Variants in CSNK1G3 observed in about 807,000 individuals in gnomAD.
CSNK1G3 encodes the protein casein kinase I isoform gamma-3.
In CSNK1G3, 23 loss-of-function variants were observed where a neutral mutation model predicts 64.3. The ratio of observed to expected loss-of-function variants is 0.36; its 90% confidence interval spans 0.26 to 0.51. CSNK1G3 has a LOEUF of 0.51. Ranked by LOEUF, CSNK1G3 falls within the 20% of genes least tolerant of loss-of-function variation. The probability of loss-of-function intolerance (pLI) is 0.96; values close to 1 mark genes in which losing one functional copy is unlikely to be tolerated. For missense variants in CSNK1G3, 357 were observed against 510.5 expected, an observed-to-expected ratio of 0.70 and a Z score of 2.90; for synonymous variants, 158 against 162.2, an observed-to-expected ratio of 0.97 and a Z score of 0.20.
At chr5:123,570,069 G>T (rs756451419) in intron 4 of CSNK1G3, among the ~76,000 whole-genome samples, 1 of 152,040 alleles carries the variant, frequency 6.6e-6, no homozygotes, top group African/African-American at 2.4e-5. Context: ...TCTTAGCATG[G>T]TTTCTCATTC....
At chr5:123,573,637 A>G (rs1788545222) in intron 5 of CSNK1G3, 96 bp downstream of exon 5, 2 of 1,149,000 alleles carry the variant, frequency 1.7e-6, no homozygotes, top group South Asian at 1.6e-5. Flanking sequence ...ATATTGTCTT[A>G]CAGAGCGTTT....
intron 1 of CSNK1G3, among the ~76,000 whole-genome samples, chr5:123,526,213 A>C (rs1385683751): frequency 6.6e-6 from 1 of 151,234 alleles, no homozygotes; most frequent in Admixed American, 6.6e-5. Context: ...AATTTAATTT[A>C]ATTTATTTAT....
chr5:123,578,559 C>G (rs1789616350), intron 6 of CSNK1G3, among the ~76,000 whole-genome samples: 1 of 151,618 alleles, frequency 6.6e-6, no homozygotes, highest in African/African-American at 2.4e-5. Flanking sequence ...CTTTGCTTGC[C>G]TATTCATTTT....
chr5:123,612,240 A>G (rs560605865), intron 12 of CSNK1G3, among the ~76,000 whole-genome samples: 2 of 152,350 alleles, frequency 1.3e-5, no homozygotes, highest in Admixed American at 1.3e-4. Context: ...GTTTACTTAA[A>G]AAAATGCAGT....
chr5:123,576,384 T>C (rs1170556680), intron 6 of CSNK1G3, among the ~76,000 whole-genome samples: 1 of 152,168 alleles, frequency 6.6e-6, no homozygotes, highest in African/African-American at 2.4e-5. Flanking sequence ...AGTATAATGC[T>C]AACAGCATAT....
intron 6 of CSNK1G3, among the ~76,000 whole-genome samples, chr5:123,581,213 G>T (rs1040874566): frequency 6.6e-6 from 1 of 151,268 alleles, no homozygotes; most frequent in Non-Finnish European, 1.5e-5. Flanking sequence ...ATGTTTCAGG[G>T]TATAGTTTTT....
intron 8 of CSNK1G3, among the ~76,000 whole-genome samples, chr5:123,589,091 A>G (rs984722900): frequency 6.6e-6 from 1 of 152,198 alleles, no homozygotes; most frequent in Non-Finnish European, 1.5e-5. Context: ...ATAACTTGTT[A>G]GTATATTAAG....
At chr5:123,535,744 T>A (rs1037054492) in intron 1 of CSNK1G3, among the ~76,000 whole-genome samples, 45 of 152,156 alleles carry the variant, frequency 3.0e-4, no homozygotes, top group Non-Finnish European at 1.2e-4. Flanking sequence ...TTTCTTGTCA[T>A]GTATCTTTAT....
intron 8 of CSNK1G3, among the ~76,000 whole-genome samples, chr5:123,589,746 C>G (rs768074671): frequency 3.9e-5 from 6 of 151,992 alleles, no homozygotes; most frequent in Non-Finnish European, 8.8e-5. Flanking sequence ...ATACATGTAT[C>G]TAATACATTT....
At chr5:123,523,485 C>G (rs1460537723) in intron 1 of CSNK1G3, among the ~76,000 whole-genome samples, 1 of 152,032 alleles carries the variant, frequency 6.6e-6, no homozygotes, top group African/African-American at 2.4e-5. Flanking sequence ...ATATTCAATT[C>G]AATGAACATT....
At chr5:123,588,394 C>T (rs376627411) in intron 7 of CSNK1G3, 33 bp from the exon 8 acceptor site, 1 of 1,518,054 alleles carries the variant, frequency 6.6e-7, no homozygotes. Flanking sequence ...TTTTAAATTA[C>T]CACATTCTCA....
At position 123,605,489 on chromosome 5, in the gene CSNK1G3, A is replaced by G. The variant is rs539964944; in HGVS notation, c.1217+127A>G. ...GATTATAATTGGTAAAAGTTATTCAAAAGTATTTGATATCATTAAGATAGC... is the reference window on the plus strand; with the variant it reads ...GATTATAATTGGTAAAAGTTATTCAGAAGTATTTGATATCATTAAGATAGC... On this transcript the variant is annotated intron_variant, in intron 12 of 12. Coordinates refer to ENST00000345990, the Ensembl canonical transcript of CSNK1G3. 6 of 1,029,766 alleles carry G rather than the reference A, an allele frequency of 5.8e-6. No homozygotes were observed. In the African/African-American group the frequency reaches 9.6e-5, roughly 17 times the overall value. The allele number at this position is 1,029,766 out of a possible 1,614,324, so 63.8% of individuals were successfully genotyped here.
rs560749249 is a variant in CSNK1G3, at chr5:123,514,599, G to A, written c.-248+2029G>A. 1.2e-4 allele frequency among the ~76,000 whole-genome samples: 19 copies of A among 152,010 alleles called. No homozygotes were observed. The East Asian group carries it at 1.5e-3, about 12-fold the overall frequency. The stretch of plus-strand genomic sequence containing the variant: ...TGTTGGAGGTGTATTGGAAGCATGG[G>A]GTGTGTGTGTGTGAGATACTAATTT... On this transcript the variant is annotated intron_variant, in intron 1 of 12. Transcript: ENST00000345990.
chr5:123,573,857 T>TA (rs1788597795), intron 5 of CSNK1G3, among the ~76,000 whole-genome samples: 1 of 151,626 alleles, frequency 6.6e-6, no homozygotes. Flanking sequence ...TAGATTTTTT[T>TA]TTTTTTTTTT....
At chr5:123,578,693 A>G (rs1432347127) in intron 6 of CSNK1G3, among the ~76,000 whole-genome samples, 2 of 151,908 alleles carry the variant, frequency 1.3e-5, no homozygotes, top group Non-Finnish European at 2.9e-5. Flanking sequence ...TAATAAGGTA[A>G]ACAAATCTTT....
At chr5:123,570,306 G>C (rs1446441276) in intron 4 of CSNK1G3, among the ~76,000 whole-genome samples, 2 of 151,142 alleles carry the variant, frequency 1.3e-5, no homozygotes, top group African/African-American at 4.9e-5. Flanking sequence ...AATATAGATG[G>C]TGATTCAGAA....
At chr5:123,595,518 C>T (rs950067923) in intron 10 of CSNK1G3, among the ~76,000 whole-genome samples, 3 of 152,084 alleles carry the variant, frequency 2.0e-5, no homozygotes, top group Non-Finnish European at 2.9e-5. Flanking sequence ...GACTTTGCCT[C>T]CTTCAAACAT....
intron 1 of CSNK1G3, among the ~76,000 whole-genome samples, chr5:123,536,840 C>G (rs577614697): frequency 2.0e-5 from 3 of 152,166 alleles, no homozygotes; most frequent in African/African-American, 7.2e-5. Flanking sequence ...AAAAAATATT[C>G]AGCATCACAA....
At chr5:123,544,966 A>T (rs974802585) in intron 1 of CSNK1G3, among the ~76,000 whole-genome samples, 22 of 100,376 alleles carry the variant, frequency 2.2e-4, no homozygotes, top group African/African-American at 7.5e-4. Flanking sequence ...ATATATATTT[A>T]AAAAAGACTT....
Sources: gnomAD v4.1 joint callset for allele counts (sites outside exome capture counted in the v4.1 genomes callset) on GRCh38, gnomAD v4.1.1 for gene constraint, MANE v1.5 for transcripts, NCBI Gene and HGNC (gene_info 2026-07-23, HGNC 2026-07-21) for gene names.